Variants in RNF150 observed in about 807,000 individuals in gnomAD.
RNF150 encodes the protein ring finger protein 150.
A neutral mutation model predicts 39.3 loss-of-function variants in RNF150; 24 were observed. The observed-to-expected ratio is 0.61, with a 90% CI of 0.44 to 0.86. RNF150 has a LOEUF of 0.86. Among genes scored for constraint, RNF150 ranks in the 40% least tolerant of loss-of-function variants. The pLI, the probability that RNF150 is intolerant of heterozygous loss-of-function variation, is 0.00. For missense variants in RNF150, 502 were observed against 587.8 expected (o/e 0.85, Z 1.51); for synonymous variants, 255 against 227.3 (o/e 1.12, Z -1.10).
chr4:140,960,509 T>G (rs765171200), intron 2 of RNF150, among the ~76,000 whole-genome samples: 1 of 152,168 alleles, frequency 6.6e-6, no homozygotes, highest in Non-Finnish European at 1.5e-5. Context: ...TCTGGTTGCA[T>G]AGAGAACCAA....
At chr4:141,081,196 T>TCA (rs1323139121) in intron 1 of RNF150, among the ~76,000 whole-genome samples, 1 of 152,180 alleles carries the variant, frequency 6.6e-6, no homozygotes, top group Admixed American at 6.5e-5. Context: ...AAAAACCCTA[T>TCA]CAGTCATTGA....
chr4:141,084,726 C>T (rs1738290699), intron 1 of RNF150, among the ~76,000 whole-genome samples: 3 of 152,208 alleles, frequency 2.0e-5, no homozygotes, highest in African/African-American at 7.2e-5. Context: ...AATAAAGATT[C>T]ACTTTGTCAA....
intron 1 of RNF150, among the ~76,000 whole-genome samples, chr4:140,969,425 G>A (rs1186327859): frequency 6.6e-5 from 10 of 151,980 alleles, no homozygotes; most frequent in African/African-American, 1.2e-4. Flanking sequence ...CAATTTTGAC[G>A]CGCCTTTTCT....
rs192762864 is a variant in RNF150, at chr4:141,007,871, C to T, written c.485-39998G>A. On this transcript the variant is annotated intron_variant, in intron 1 of 6. Transcript: ENST00000515673. ...TTCCTACAACCAAACAGTAGGTATCCCTGCATGAAGGGTTCTCCAAATTTT... is the reference window on the plus strand; with the variant it reads ...TTCCTACAACCAAACAGTAGGTATCTCTGCATGAAGGGTTCTCCAAATTTT... Among the ~76,000 whole-genome samples the T allele has an allele frequency of 1.4e-4, 21 of 152,246 alleles. No individual in the cohort carries two copies. The East Asian group carries it at 2.9e-3, about 21-fold the overall frequency.
At chr4:141,025,089 T>C (rs1189604197) in intron 1 of RNF150, among the ~76,000 whole-genome samples, 3 of 152,176 alleles carry the variant, frequency 2.0e-5, no homozygotes, top group Non-Finnish European at 4.4e-5. Context: ...TCTTTTTACA[T>C]AGCTGATAAA....
At chr4:141,191,119 C>A (rs1247705251) in intron 1 of RNF150, among the ~76,000 whole-genome samples, 3 of 152,154 alleles carry the variant, frequency 2.0e-5, no homozygotes, top group Non-Finnish European at 2.9e-5. Context: ...GGCCACTAGT[C>A]CCTCACTGGT....
At chr4:140,870,224 C>G (rs1359893485) in intron 6 of RNF150, among the ~76,000 whole-genome samples, 2 of 152,088 alleles carry the variant, frequency 1.3e-5, no homozygotes, top group Non-Finnish European at 2.9e-5. Flanking sequence ...TTCCTAGATC[C>G]ACAATTGCAG....
At chr4:140,963,777 T>G (rs915406256) in intron 2 of RNF150, among the ~76,000 whole-genome samples, 2 of 152,000 alleles carry the variant, frequency 1.3e-5, no homozygotes, top group Non-Finnish European at 2.9e-5. Context: ...TTTTAATAGA[T>G]CTAAAGAGAA....
chr4:141,041,033 C>G (rs1736346224), intron 1 of RNF150, among the ~76,000 whole-genome samples: 1 of 151,958 alleles, frequency 6.6e-6, no homozygotes, highest in African/African-American at 2.4e-5. Flanking sequence ...TCACTGTTAT[C>G]TGAAGTATTT....
rs376888893 is a variant in RNF150 at position 141,132,398 on chromosome 4, C to A, written c.411G>T (p.Leu137=). Residue 137 remains leucine (L), a synonymous_variant, in exon 1 of 7, where the codon CTG becomes CTT. Transcript: ENST00000515673. The surrounding 1 kb of genome is among the most constrained non-coding windows in gnomAD (Gnocchi z 4.9). Reference sequence around the variant, plus strand: ...AGATGACCACGGCTGAGGCGTTCTGCAGGAACGCGTTCCGGATCTTATCCC... The same window carrying A: ...AGATGACCACGGCTGAGGCGTTCTGAAGGAACGCGTTCCGGATCTTATCCC... ...TYRDKIRNAF[L]QNASAVVIFN... is the part of the protein sequence containing the mutation. The A allele has an allele frequency of 6.0e-5, 96 of 1,605,900 alleles. No homozygotes were observed. The highest frequency in any genetic ancestry group is 7.6e-5 in the Non-Finnish European group (89 of 1,176,740).
chr4:140,976,915 C>G (rs1733686781), intron 1 of RNF150, among the ~76,000 whole-genome samples: 2 of 152,036 alleles, frequency 1.3e-5, no homozygotes, highest in South Asian at 4.1e-4. Context: ...TGCTATCACC[C>G]TGCTTTCCTC....
At chr4:141,084,151 A>T (rs1251982392) in intron 1 of RNF150, among the ~76,000 whole-genome samples, 1 of 152,232 alleles carries the variant, frequency 6.6e-6, no homozygotes, top group African/African-American at 2.4e-5. Context: ...TTGAATGTTC[A>T]TCATTTTAAT....
intron 1 of RNF150, among the ~76,000 whole-genome samples, chr4:141,088,969 A>C (rs765051723): frequency 2.0e-5 from 3 of 152,170 alleles, no homozygotes; most frequent in Non-Finnish European, 4.4e-5. Flanking sequence ...AGTATTTTAC[A>C]TAATTGCTAA....
intron 1 of RNF150, among the ~76,000 whole-genome samples, chr4:141,049,583 G>A (rs995601554): frequency 1.3e-5 from 2 of 152,076 alleles, no homozygotes; most frequent in Non-Finnish European, 2.9e-5. Flanking sequence ...TAAGTGAAAG[G>A]AAATATTTTA....
In RNF150 at chr4:141,133,141, A is replaced by C; in HGVS notation, c.-333T>G. ...TCGCCCGGCTTCGCCTTCTCTCATA[A>C]GGGTGGCCGGGGGCCCACGAACTTG... is the stretch of plus-strand genomic sequence containing the variant. On this transcript the variant is annotated 5_prime_UTR_variant, in exon 1 of 7. Transcript: ENST00000515673. The C allele has an allele frequency of 3.6e-6, 1 of 276,086 alleles. No individual in the cohort carries two copies. The highest frequency in any genetic ancestry group is 6.9e-6 in the Non-Finnish European group (1 of 145,984). The allele number at this position is 276,086 out of a possible 1,614,324, so 17.1% of individuals were successfully genotyped here.
intron 1 of RNF150, among the ~76,000 whole-genome samples, chr4:141,200,801 C>G (rs1349846489): frequency 2.0e-5 from 3 of 152,148 alleles, no homozygotes; most frequent in African/African-American, 7.2e-5. Flanking sequence ...GAAAGTAAAT[C>G]TTGCCTTTTG....
chr4:141,072,846 A>C (rs1737757058), intron 1 of RNF150, among the ~76,000 whole-genome samples: 1 of 152,134 alleles, frequency 6.6e-6, no homozygotes, highest in Admixed American at 6.5e-5. Context: ...CCCAGAATCA[A>C]AGTCTCAAAA....
At chr4:141,105,527 G>T (rs1393674548) in intron 1 of RNF150, among the ~76,000 whole-genome samples, 1 of 151,966 alleles carries the variant, frequency 6.6e-6, no homozygotes, top group East Asian at 1.9e-4. Context: ...GCTCTCCCCT[G>T]CCCAGGTCTC....
intron 1 of RNF150, among the ~76,000 whole-genome samples, chr4:141,196,571 AAGTC>A (rs1327292120): frequency 6.6e-6 from 1 of 152,180 alleles, no homozygotes; most frequent in African/African-American, 2.4e-5. Context: ...ATTGTTTCTC[AAGTC>A]AGGAAGGCTT....
Sources: allele counts gnomAD v4.1 joint callset (sites outside exome capture counted in the v4.1 genomes callset), GRCh38; gene constraint gnomAD v4.1.1; non-coding constraint Gnocchi (gnomAD v3.1); transcripts MANE v1.5; gene names NCBI Gene and HGNC (gene_info 2026-07-23, HGNC 2026-07-21).